EP400: variants seen among roughly 807,000 people sequenced by gnomAD.
EP400 encodes the protein E1A binding protein p400.
Under a neutral mutation model 354.1 loss-of-function variants are expected in EP400, and 105 were observed. That is an observed-to-expected ratio of 0.30 (90% confidence interval 0.25 to 0.35). The LOEUF is 0.35. Among genes scored for constraint, EP400 ranks in the 10% least tolerant of loss-of-function variants. The pLI is 1.00. For missense variants in EP400, 3,280 were observed against 4,121.0 expected (o/e 0.80, Z 5.59); for synonymous variants, 1,646 against 1,716.9 (o/e 0.96, Z 1.02).
intron 1 of EP400, among the ~76,000 whole-genome samples, chr12:131,955,784 A>G (rs921838855): frequency 6.6e-6 from 1 of 151,982 alleles, no homozygotes; most frequent in African/African-American, 2.4e-5. Context: ...AGCTGTGATT[A>G]CAGGAACATG....
intron 39 of EP400, among the ~76,000 whole-genome samples, chr12:132,048,325 A>G (rs1266676006): frequency 6.6e-6 from 1 of 152,214 alleles, no homozygotes; most frequent in African/African-American, 2.4e-5. Context: ...GGCGTAAGAA[A>G]TTATAAAAGT....
At chr12:132,015,490 C>T (rs372598592) in intron 19 of EP400, among the ~76,000 whole-genome samples, 3 of 152,222 alleles carry the variant, frequency 2.0e-5, no homozygotes, top group South Asian at 2.1e-4. Context: ...ACGTTGACCA[C>T]GCCCTGCGTA....
Position 132,075,485 on chromosome 12 carries a change from A to G in EP400, c.9022-1031A>G, listed in dbSNP as rs1896206327. Among the ~76,000 whole-genome samples, 1 of 152,174 alleles carries G rather than the reference A, an allele frequency of 6.6e-6. No homozygotes were observed. Among genetic ancestry groups the G allele is most frequent in the Admixed American group, 6.5e-5 (1 of 15,282 alleles). On this transcript the variant is annotated intron_variant, in intron 51 of 52. Transcript: ENST00000389561. The surrounding 1 kb of genome is among the most constrained non-coding windows in gnomAD (Gnocchi z 4.5). The stretch of plus-strand genomic sequence containing the variant: ...GTCTCAGGATTTTCAGTGCTGTGCC[A>G]AGTAAGTCCTGGACCATTGTGGTCT...
chr12:132,067,023 C>G lies in EP400; in HGVS notation c.8749+54C>G. ...TGGGCTTGAGCCTGGTTTCACAGGC[C>G]TCTCTGGTGGCAGTGGTCGCCAGCG... On this transcript the variant is annotated intron_variant, in intron 49 of 52. Coordinates refer to ENST00000389561, the MANE Select transcript of EP400 (RefSeq NM_015409.5). This position sits in a 1 kb window ranked among gnomAD's most constrained non-coding sequence, Gnocchi z 5.3. 8 of 1,490,160 alleles carry G rather than the reference C, an allele frequency of 5.4e-6. No individual in the cohort carries two copies. Among genetic ancestry groups the G allele is most frequent in the Non-Finnish European group, 7.1e-6 (8 of 1,122,644 alleles). The allele number at this position is 1,490,160 out of a possible 1,614,324, so 92.3% of individuals were successfully genotyped here.
chr12:132,052,795 G>T lies in EP400; in HGVS notation c.7395-351G>T, dbSNP rs774986951. ...CCTTTACCTCCCTGGAGAGGAACTC[G>T]AGGGCATCCTCACAGAAGGAACAGA... On this transcript the variant is annotated intron_variant, in intron 41 of 52. Coordinates refer to ENST00000389561, the MANE Select transcript of EP400 (RefSeq NM_015409.5). The surrounding 1 kb of genome is among the most constrained non-coding windows in gnomAD (Gnocchi z 4.4). 8.5e-5 allele frequency among the ~76,000 whole-genome samples: 13 copies of T among 152,190 alleles called. No homozygotes were observed. The highest frequency in any genetic ancestry group is 1.6e-4 in the Non-Finnish European group (11 of 68,034).
In EP400 at chr12:131,991,406, G is replaced by T; in HGVS notation, c.2630-1G>T. On this transcript the variant is annotated splice_acceptor_variant, in intron 9 of 52. Coordinates refer to ENST00000389561, the MANE Select transcript of EP400 (RefSeq NM_015409.5). LOFTEE classifies it high-confidence loss of function. ...ACGAACTGTGCTCCTTGTCTCTCTA[G>T]GGAAAGAATTGAGACCTAAAGGATT... 6.2e-7 allele frequency: 1 copy of T among 1,613,882 alleles called. No homozygotes were observed. The highest frequency in any genetic ancestry group is 1.1e-5 in the South Asian group (1 of 91,068).
In EP400 at chr12:132,077,403, T is replaced by C. The variant is rs746922607; in HGVS notation, c.9102T>C (p.Ala3034=). Residue 3034 remains alanine, a splice_region_variant and synonymous_variant, in exon 53 of 53, where the codon GCT becomes GCC. Transcript: ENST00000389561. ...GTTTTCTGACTCTCTCGGCTCAGGC[T>C]TCTCCACAGACTGTGGCGCTCACGC... ...IQQVASASQQ[A]SPQTVALTQA... 3.1e-6 allele frequency: 5 copies of C among 1,609,928 alleles called. No homozygotes were observed. In the Admixed American group the frequency reaches 8.3e-5, roughly 27 times the overall value.
chr12:132,012,139 C>T (rs943593217), intron 16 of EP400, among the ~76,000 whole-genome samples: 2 of 152,200 alleles, frequency 1.3e-5, no homozygotes, highest in Non-Finnish European at 2.9e-5. Context: ...TCACAGTTTT[C>T]CATTGAGTAG....
chr12:132,012,239 T>C (rs7138931), intron 16 of EP400, among the ~76,000 whole-genome samples: 7 of 152,190 alleles, frequency 4.6e-5, no homozygotes, highest in African/African-American at 1.7e-4. Context: ...ACTATTGTAG[T>C]CTGTTTTTGG....
intron 15 of EP400, among the ~76,000 whole-genome samples, chr12:132,009,052 G>A (rs1893678721): frequency 6.9e-6 from 1 of 145,708 alleles, no homozygotes; most frequent in Non-Finnish European, 1.5e-5. Context: ...GAGCTACTTA[G>A]GAGGCTGAGG....
intron 12 of EP400, among the ~76,000 whole-genome samples, chr12:131,998,211 G>C (rs1893282239): frequency 6.6e-6 from 1 of 152,152 alleles, no homozygotes; most frequent in South Asian, 2.1e-4. Flanking sequence ...TTGATGTCTG[G>C]TTAGGTAAGT....
At position 132,079,644 on chromosome 12, in the gene EP400, A is replaced by C. The variant is rs2136630936; in HGVS notation, c.*1971A>C. 1 of 152,374 alleles carries C rather than the reference A, an allele frequency of 6.6e-6. No homozygotes were observed. Among genetic ancestry groups the C allele is most frequent in the South Asian group, 2.1e-4 (1 of 4,828 alleles). 9.4% of individuals were successfully genotyped at this position (152,374 alleles called of 1,614,324 possible). On this transcript the variant is annotated 3_prime_UTR_variant, in exon 53 of 53. Transcript: ENST00000389561. ...CTGTCTAAGTAAAAGCGCTCTATTA[A>C]TCTAAAACACTACAAGAGAATTTAA...
In EP400 at chr12:132,077,666, G is replaced by A; in HGVS notation, c.9365G>A (p.Cys3122Tyr). 6.2e-7 allele frequency: 1 copy of A among 1,606,782 alleles called. No individual in the cohort carries two copies. The highest frequency in any genetic ancestry group is 8.5e-7 in the Non-Finnish European group (1 of 1,176,010). The change falls in exon 53 of 53, where the codon TGC (cysteine) becomes TAC (tyrosine). Residue 3122 changes from cysteine (C) to tyrosine (Y), a missense_variant. Transcript: ENST00000389561. The stretch of plus-strand genomic sequence containing the variant: ...CTAAAGACACCTACTAAGCCTCCGT[G>A]CCAGTAGTCAGGGCAGCAGGGCTGC... ...VRLKTPTKPP[C>Y]Q
rs574290760 is a variant in EP400, at chr12:132,060,947, CAAAA to C, written c.7885-1157_7885-1154del. ...AAAAAAAACAAAAAACAAAACAAAA[CAAAA>C]AAAAACAAGGGCAAAATAAAGACAT... On this transcript the variant is annotated intron_variant, in intron 45 of 52. Coordinates refer to ENST00000389561, the MANE Select transcript of EP400 (RefSeq NM_015409.5). Among the ~76,000 whole-genome samples the C allele has an allele frequency of 5.7e-3, 838 of 146,326 alleles. 7 individuals are homozygous for C. Among genetic ancestry groups the C allele is most frequent in the African/African-American group, 0.02 (794 of 39,816 alleles).
Position 132,075,734 on chromosome 12 carries a change from T to C in EP400, c.9022-782T>C, listed in dbSNP as rs1481570045. 2 of 152,314 alleles carry C rather than the reference T, an allele frequency of 1.3e-5. No homozygotes were observed. The highest frequency in any genetic ancestry group is 4.8e-5 in the African/African-American group (2 of 41,474). The allele number at this position is 152,314 out of a possible 1,614,324, so 9.4% of individuals were successfully genotyped here. A position where few individuals can be genotyped will look rare whatever the true frequency, so the allele number is the denominator to read the frequency against. On this transcript the variant is annotated intron_variant, in intron 51 of 52. Transcript: ENST00000389561. This position sits in a 1 kb window ranked among gnomAD's most constrained non-coding sequence, Gnocchi z 4.5. ...ATTTCACATATTTCGCAGAATAATC[T>C]TGGGAAATATTATTTTCATCCGTTT... is the stretch of plus-strand genomic sequence containing the variant.
In EP400 at chr12:131,981,606, A is replaced by G. The variant is rs375631970; in HGVS notation, c.1543+10A>G. 1,373 of 1,587,114 alleles carry G rather than the reference A, an allele frequency of 8.7e-4. No individual in the cohort carries two copies. Among genetic ancestry groups the G allele is most frequent in the Non-Finnish European group, 1.0e-3 (1,214 of 1,166,414 alleles). ...ATGCCGACCGCACAAGGTAAGGCCC[A>G]GCAGCAGAGCCAGCTCCCCGCTCAG... is the stretch of plus-strand genomic sequence containing the variant. On this transcript the variant is annotated intron_variant, in intron 4 of 52. Transcript: ENST00000389561.
chr12:131,955,041 A>G (rs779603021), intron 1 of EP400, among the ~76,000 whole-genome samples: 1 of 152,200 alleles, frequency 6.6e-6, no homozygotes, highest in Non-Finnish European at 1.5e-5. Flanking sequence ...AGAAAAAATT[A>G]GGAGTAAAAA....
At chr12:132,033,357 A>G (rs1894588618) in intron 30 of EP400, among the ~76,000 whole-genome samples, 1 of 152,166 alleles carries the variant, frequency 6.6e-6, no homozygotes, top group Non-Finnish European at 1.5e-5. Flanking sequence ...TTACAGTGTA[A>G]TAGTAGATTT....
At chr12:132,064,968 G>A (rs1303023501) in intron 48 of EP400, 82 bp downstream of exon 48, 75 of 1,513,144 alleles carry the variant, frequency 5.0e-5, no homozygotes, top group Non-Finnish European at 6.3e-5. Context: ...TCAGGTGCGT[G>A]TCACGTGTTA....
Sources: allele counts gnomAD v4.1 joint callset (sites outside exome capture counted in the v4.1 genomes callset), GRCh38; gene constraint gnomAD v4.1.1; non-coding constraint Gnocchi (gnomAD v3.1); transcripts MANE v1.5; gene names NCBI Gene and HGNC (gene_info 2026-07-23, HGNC 2026-07-21).